The following CDCA7 variants were observed in gnomAD, a reference collection of about 807,000 sequenced individuals.
CDCA7 encodes cell division cycle-associated protein 7.
CDCA7 carries 28 observed loss-of-function variants against 54.0 expected under a neutral mutation model. The observed-to-expected ratio is 0.52, with a 90% CI of 0.38 to 0.71. The LOEUF (loss-of-function observed/expected upper bound fraction) is 0.71, where lower values mean the gene tolerates loss of function less well. Among genes scored for constraint, CDCA7 ranks in the 30% least tolerant of loss-of-function variants. CDCA7 has a pLI of 0.00. For missense variants in CDCA7, 484 were observed against 586.0 expected (o/e 0.83, Z 1.80); for synonymous variants, 180 against 208.2 (o/e 0.86, Z 1.16).
At position 173,365,727 on chromosome 2, in the gene CDCA7, A is replaced by G. The variant is rs982098075; in HGVS notation, c.1035+135A>G. ...CCTATATGTTTTTTTCACACAAGGAAGGAAAAGTTTTACAGTATCCCTGGG... is the reference window on the plus strand; with the variant it reads ...CCTATATGTTTTTTTCACACAAGGAGGGAAAAGTTTTACAGTATCCCTGGG... On this transcript the variant is annotated intron_variant, in intron 7 of 9. Coordinates refer to ENST00000306721, the MANE Select transcript of CDCA7 (RefSeq NM_031942.5). 1.0e-5 allele frequency: 10 copies of G among 1,004,240 alleles called. No individual in the cohort carries two copies. In the Admixed American group the frequency reaches 2.8e-4, roughly 28 times the overall value. 62.2% of individuals were successfully genotyped at this position (1,004,240 alleles called of 1,614,324 possible).
Position 173,361,831 on chromosome 2 carries a change from G to A in CDCA7, c.385-1395G>A, listed in dbSNP as rs145130291. On this transcript the variant is annotated intron_variant, in intron 3 of 9. Transcript: ENST00000306721. Reference sequence around the variant, plus strand: ...TTTTTTATTTTTATTTTTCGGAGACGGAGTCTTGCTCTGTAGCCCAGGCTG... The same window carrying A: ...TTTTTTATTTTTATTTTTCGGAGACAGAGTCTTGCTCTGTAGCCCAGGCTG... 2.8e-4 allele frequency among the ~76,000 whole-genome samples: 42 copies of A among 151,366 alleles called. 1 individual carries two copies. The East Asian group carries it at 4.5e-3, about 16-fold the overall frequency.
At chr2:173,362,628 TACAGTGGCACGAACACGG>T (rs1686643249) in intron 3 of CDCA7, among the ~76,000 whole-genome samples, 1 of 150,302 alleles carries the variant, frequency 6.7e-6, no homozygotes, top group Admixed American at 6.7e-5. Context: ...AGCCCTGGCA[TACAGTGGCACGAACACGG>T]CTCACTGAGC....
rs772929976 is a variant in CDCA7, at chr2:173,366,395, G to A, written c.1148G>A (p.Arg383His). ...GQFCGPCLRN[R>H]YGEEVRDALL... ...TTCTGTGGCCCCTGCCTTCGAAACCGTTATGGTGAAGAGGTCAGGGATGCT... is the reference window on the plus strand; with the variant it reads ...TTCTGTGGCCCCTGCCTTCGAAACCATTATGGTGAAGAGGTCAGGGATGCT... Residue 383 changes from arginine (R) to histidine (H), a missense_variant, in exon 8 of 10, where the codon CGT becomes CAT. By Grantham distance (29) the Arg-to-His change is conservative. Transcript: ENST00000306721. The surrounding 1 kb of genome is among the most constrained non-coding windows in gnomAD (Gnocchi z 4.5). The A allele has an allele frequency of 1.1e-5, 17 of 1,614,054 alleles. No individual in the cohort carries two copies. Among genetic ancestry groups the A allele is most frequent in the East Asian group, 2.2e-5 (1 of 44,892 alleles).
chr2:173,366,207 A>C lies in CDCA7; in HGVS notation c.1036-76A>C, dbSNP rs1022117884. 15 of 1,502,034 alleles carry C rather than the reference A, an allele frequency of 1.0e-5. No individual in the cohort carries two copies. In the African/African-American group the frequency reaches 2.1e-4, roughly 21 times the overall value. 93.0% of individuals were successfully genotyped at this position (1,502,034 alleles called of 1,614,324 possible). A position where few individuals can be genotyped will look rare whatever the true frequency, so the allele number is the denominator to read the frequency against. On this transcript the variant is annotated intron_variant, in intron 7 of 9. Coordinates refer to ENST00000306721, the MANE Select transcript of CDCA7 (RefSeq NM_031942.5). The surrounding 1 kb of genome is among the most constrained non-coding windows in gnomAD (Gnocchi z 4.5). ...GTAAGCCTATACTACGAAGAGGGAC[A>C]TTCTGTAAATATGCCATTTCCTCTG...
chr2:173,364,217 A>G (rs985679423), intron 5 of CDCA7: 7 of 227,164 alleles, frequency 3.1e-5, no homozygotes, highest in East Asian at 9.9e-5. Flanking sequence ...TTCCTCCTAC[A>G]TGGTAGATGT....
intron 1 of CDCA7, among the ~76,000 whole-genome samples, chr2:173,357,069 C>T (rs1243634604): frequency 6.6e-6 from 1 of 152,212 alleles, no homozygotes; most frequent in Admixed American, 6.5e-5. Context: ...CCAGAGCTTG[C>T]CCTTTCAAAG....
In CDCA7 at chr2:173,367,135, A is replaced by G. The variant is rs745869906; in HGVS notation, c.1186-15A>G. The G allele has an allele frequency of 1.5e-5, 23 of 1,567,886 alleles. No individual in the cohort carries two copies. Among genetic ancestry groups the G allele is most frequent in the Non-Finnish European group, 1.8e-5 (21 of 1,160,110 alleles). ...AGGTTTAACTTAATTGTGCCGTTTGACAATCCTCCTTCAGAACTGGCATTG... is the reference window on the plus strand; with the variant it reads ...AGGTTTAACTTAATTGTGCCGTTTGGCAATCCTCCTTCAGAACTGGCATTG... On this transcript the variant is annotated splice_polypyrimidine_tract_variant and intron_variant, in intron 8 of 9. Coordinates refer to ENST00000306721, the MANE Select transcript of CDCA7 (RefSeq NM_031942.5).
chr2:173,365,251 G>A (rs999694098), intron 6 of CDCA7, among the ~76,000 whole-genome samples: 1 of 152,180 alleles, frequency 6.6e-6, no homozygotes, highest in Non-Finnish European at 1.5e-5. Context: ...CGTATGGCCT[G>A]TTCCCCTACC....
At chr2:173,364,662 C>T in intron 5 of CDCA7, 133 bp from the exon 6 acceptor site, 1 of 1,343,734 alleles carries the variant, frequency 7.4e-7, no homozygotes, top group Non-Finnish European at 9.7e-7. Flanking sequence ...ATGCATTATG[C>T]AAAGGACAAA....
intron 6 of CDCA7, 135 bp from the exon 7 acceptor site, chr2:173,365,317 A>C (rs546521172): frequency 1.0e-6 from 1 of 996,070 alleles, no homozygotes; most frequent in East Asian, 2.6e-5. Context: ...TTACAAGTCA[A>C]GTATCTGAGA....
chr2:173,362,159 G>T (rs1686633946), intron 3 of CDCA7, among the ~76,000 whole-genome samples: 1 of 152,118 alleles, frequency 6.6e-6, no homozygotes, highest in African/African-American at 2.4e-5. Flanking sequence ...GGCTAATTTG[G>T]ATAAATTTTT....
At chr2:173,362,519 A>G (rs1686640203) in intron 3 of CDCA7, among the ~76,000 whole-genome samples, 1 of 151,740 alleles carries the variant, frequency 6.6e-6, no homozygotes, top group South Asian at 2.1e-4. Flanking sequence ...ATCTGTTAAT[A>G]TAATTTAATA....
chr2:173,358,938 C>G, intron 2 of CDCA7, 101 bp downstream of exon 2: 1 of 1,453,490 alleles, frequency 6.9e-7, no homozygotes, highest in Non-Finnish European at 9.3e-7. Context: ...GCCTACATTT[C>G]TATACAGCCG....
chr2:173,355,001 C>T lies in CDCA7; in HGVS notation c.21+17C>T. The T allele has an allele frequency of 2.9e-6, 4 of 1,382,762 alleles. No homozygotes were observed. Among genetic ancestry groups the T allele is most frequent in the South Asian group, 1.7e-5 (1 of 59,298 alleles). The allele number at this position is 1,382,762 out of a possible 1,614,324, so 85.7% of individuals were successfully genotyped here. A position where few individuals can be genotyped will look rare whatever the true frequency, so the allele number is the denominator to read the frequency against. The stretch of plus-strand genomic sequence containing the variant: ...CGCGTGCCGGTGAGGGCTGGGCGGG[C>T]GAACCCGAGGGGCGGGCGCGGTGGG... On this transcript the variant is annotated intron_variant, in intron 1 of 9. Transcript: ENST00000306721.
rs1377464880 is a variant in CDCA7, at chr2:173,355,044, C to A, written c.21+60C>A. On this transcript the variant is annotated intron_variant, in intron 1 of 9. Coordinates refer to ENST00000306721, the MANE Select transcript of CDCA7 (RefSeq NM_031942.5). ...GCGGTGGGTGCTGGACGCAGGCGGG[C>A]GCGGGCCGACCCTCTCCAACTCCGC... 17 of 1,292,354 alleles carry A rather than the reference C, an allele frequency of 1.3e-5. No individual in the cohort carries two copies. The East Asian group carries it at 5.3e-4, about 40-fold the overall frequency. 80.1% of individuals were successfully genotyped at this position (1,292,354 alleles called of 1,614,324 possible).
chr2:173,364,591 T>C, intron 5 of CDCA7: 1 of 406,320 alleles, frequency 2.5e-6, no homozygotes, highest in Non-Finnish European at 3.8e-6. Context: ...TGAAAGAAAC[T>C]GGGCTTGGTA....
At chr2:173,355,761 T>C (rs905668614) in intron 1 of CDCA7, among the ~76,000 whole-genome samples, 37 of 146,994 alleles carry the variant, frequency 2.5e-4, no homozygotes, top group African/African-American at 9.3e-4. Context: ...AGCCAGAACG[T>C]AGGGTCGGGC....
intron 5 of CDCA7, chr2:173,364,254 A>T (rs1686676508): frequency 5.6e-6 from 1 of 179,706 alleles, no homozygotes; most frequent in African/African-American, 2.4e-5. Context: ...AAATTGGAGA[A>T]TGAAAATAAA....
rs778692362 is a variant in CDCA7, at chr2:173,368,775, T to G, written c.*1111T>G. 9 of 152,236 alleles carry G rather than the reference T, an allele frequency of 5.9e-5. No individual in the cohort carries two copies. Among genetic ancestry groups the G allele is most frequent in the Non-Finnish European group, 1.2e-4 (8 of 68,042 alleles). The allele number at this position is 152,236 out of a possible 1,614,324, so 9.4% of individuals were successfully genotyped here. On this transcript the variant is annotated 3_prime_UTR_variant, in exon 10 of 10. Coordinates refer to ENST00000306721, the MANE Select transcript of CDCA7 (RefSeq NM_031942.5). ...TTTGTATGTCCAATTTACTTGCATA[T>G]GTAAACCATTGCTGTGCCATTCAAT... is the stretch of plus-strand genomic sequence containing the variant.
Sources: gnomAD v4.1 joint callset for allele counts (sites outside exome capture counted in the v4.1 genomes callset) on GRCh38, gnomAD v4.1.1 for gene constraint, Gnocchi (gnomAD v3.1) non-coding constraint, MANE v1.5 for transcripts, NCBI Gene and HGNC (gene_info 2026-07-23, HGNC 2026-07-21) for gene names.